The following HAO2 variants were observed in gnomAD, a reference collection of about 807,000 sequenced individuals.
HAO2 encodes 2-Hydroxyacid oxidase 2.
HAO2 carries 42 observed loss-of-function variants against 37.4 expected under a neutral mutation model. The ratio of observed to expected loss-of-function variants is 1.12; its 90% confidence interval spans 0.88 to 1.45. HAO2 has a LOEUF of 1.45. Ranked by LOEUF, HAO2 falls within the 40% of genes most tolerant of loss-of-function variation. The pLI is 0.00. For synonymous variants in HAO2, 180 were observed against 162.8 expected (o/e 1.11, Z -0.81); for missense variants, 476 against 430.2 (o/e 1.11, Z -0.94).
chr1:119,393,669 T>C (rs1651090794), intron 7 of HAO2, 116 bp from the exon 8 acceptor site: 2 of 835,600 alleles, frequency 2.4e-6, no homozygotes, highest in Non-Finnish European at 4.2e-6. Context: ...AACCATTTTA[T>C]AAGAGTGAGC....
chr1:119,383,226 C>T lies in HAO2; in HGVS notation c.283+160C>T, dbSNP rs1465028786. On this transcript the variant is annotated intron_variant, in intron 3 of 7. Transcript: ENST00000325945. The stretch of plus-strand genomic sequence containing the variant: ...AATGCTTAAAGCTACGTTTGTGTAA[C>T]CTAAGATTGAGAAAACATTCATTTT... Among the ~76,000 whole-genome samples the T allele has an allele frequency of 2.0e-5, 3 of 152,192 alleles. No homozygotes were observed. In the South Asian group the frequency reaches 6.2e-4, roughly 31 times the overall value.
intron 3 of HAO2, among the ~76,000 whole-genome samples, chr1:119,383,430 A>G (rs922485840): frequency 4.6e-5 from 7 of 152,222 alleles, no homozygotes; most frequent in African/African-American, 1.7e-4. Context: ...CTGATGGGCC[A>G]GGGCTAGGGC....
At chr1:119,381,957 T>A (rs1002791230) in intron 2 of HAO2, among the ~76,000 whole-genome samples, 2 of 152,238 alleles carry the variant, frequency 1.3e-5, no homozygotes, top group African/African-American at 4.8e-5. Context: ...GTTGAATAAC[T>A]GTGACAAAGA....
At chr1:119,371,237 A>G (rs1648975519) in intron 1 of HAO2, among the ~76,000 whole-genome samples, 1 of 152,184 alleles carries the variant, frequency 6.6e-6, no homozygotes, top group African/African-American at 2.4e-5. Flanking sequence ...TTTCTGTTGC[A>G]TTAGCTTGGA....
Position 119,382,972 on chromosome 1 carries a change from A to T in HAO2, c.189A>T (p.Thr63=), listed in dbSNP as rs746856522. 1.9e-6 allele frequency: 3 copies of T among 1,613,494 alleles called. No individual in the cohort carries two copies. The highest frequency in any genetic ancestry group is 2.5e-6 in the Non-Finnish European group (3 of 1,179,536). Residue 63 remains threonine (T), a synonymous_variant, in exon 3 of 8, where the codon ACA becomes ACT. Transcript: ENST00000325945. The part of the protein sequence containing the change: ...RDVSEVDTRT[T]IQGEEISAPI... ...TGTCTGAGGTGGACACCAGAACCAC[A>T]ATCCAAGGGGAGGAGATCAGTGCCC...
intron 5 of HAO2, among the ~76,000 whole-genome samples, chr1:119,388,079 T>C (rs72991409): frequency 0.039 from 5,979 of 152,232 alleles, 368 homozygotes; most frequent in African/African-American, 0.13. Context: ...GCTTTTCATC[T>C]CACCTATTGA....
In HAO2 at chr1:119,380,742, A is replaced by G. The variant is rs751684050; in HGVS notation, c.-8-336A>G. The G allele has an allele frequency of 2.0e-6, 3 of 1,518,006 alleles. No individual in the cohort carries two copies. In the Admixed American group the frequency reaches 5.0e-5, roughly 25 times the overall value. 94.0% of individuals were successfully genotyped at this position (1,518,006 alleles called of 1,614,324 possible). A position where few individuals can be genotyped will look rare whatever the true frequency, so the allele number is the denominator to read the frequency against. On this transcript the variant is annotated intron_variant, in intron 1 of 7. Coordinates refer to ENST00000325945, the MANE Select transcript of HAO2 (RefSeq NM_016527.4). ...TGTGAAGGCAAGATACAAAAATAAG[A>G]ATTTTTTGTAATAAGCTTTTAAGAA...
At chr1:119,390,560 A>G (rs1650800138) in intron 5 of HAO2, among the ~76,000 whole-genome samples, 1 of 152,190 alleles carries the variant, frequency 6.6e-6, no homozygotes, top group Admixed American at 6.5e-5. Flanking sequence ...GAATATTTTT[A>G]TGATGTTGTG....
Position 119,384,819 on chromosome 1 carries a change from C to T in HAO2, c.327C>T (p.Ala109=). The T allele has an allele frequency of 6.2e-7, 1 of 1,613,884 alleles. No individual in the cohort carries two copies. Among genetic ancestry groups the T allele is most frequent in the Non-Finnish European group, 8.5e-7 (1 of 1,179,830 alleles). ...AGICYITSTF[A]SCSLEDIVIA... Reference sequence around the variant, plus strand: ...TCTGCTACATCACCAGCACATTTGCCAGCTGTAGCCTTGAAGACATTGTCA... The same window carrying T: ...TCTGCTACATCACCAGCACATTTGCTAGCTGTAGCCTTGAAGACATTGTCA... The change falls in exon 4 of 8, where the codon GCC becomes GCT. Residue 109 remains alanine (A), a synonymous_variant. Transcript: ENST00000325945.
intron 1 of HAO2, among the ~76,000 whole-genome samples, chr1:119,371,312 T>A (rs1446833029): frequency 1.3e-5 from 2 of 152,210 alleles, no homozygotes; most frequent in African/African-American, 4.8e-5. Flanking sequence ...ACATACACTC[T>A]CTGATTGCCC....
chr1:119,373,724 A>T (rs1044797657), intron 1 of HAO2, among the ~76,000 whole-genome samples: 6 of 152,184 alleles, frequency 3.9e-5, no homozygotes, highest in Admixed American at 6.5e-5. Context: ...TGACTAAAGA[A>T]GCCACTCTGA....
At chr1:119,378,449 T>G (rs1649654893) in intron 1 of HAO2, among the ~76,000 whole-genome samples, 1 of 152,190 alleles carries the variant, frequency 6.6e-6, no homozygotes, top group Non-Finnish European at 1.5e-5. Flanking sequence ...AGTTATTTTA[T>G]TTCTGAGGCC....
In HAO2 at chr1:119,382,305, T is replaced by C. The variant is rs587640478; in HGVS notation, c.132-610T>C. Among the ~76,000 whole-genome samples, 3 of 152,348 alleles carry C rather than the reference T, an allele frequency of 2.0e-5. No individual in the cohort carries two copies. In the South Asian group the frequency reaches 6.2e-4, roughly 32 times the overall value. On this transcript the variant is annotated intron_variant, in intron 2 of 7. Transcript: ENST00000325945. Reference sequence around the variant, plus strand: ...AATATTGTATAAACAATGAAAATCTTAGACACCTGAGGCTAAGTATGCATT... The same window carrying C: ...AATATTGTATAAACAATGAAAATCTCAGACACCTGAGGCTAAGTATGCATT...
At chr1:119,370,945 G>C (rs1019300317) in intron 1 of HAO2, among the ~76,000 whole-genome samples, 1 of 152,214 alleles carries the variant, frequency 6.6e-6, no homozygotes, top group Non-Finnish European at 1.5e-5. Context: ...GGACAGAGTA[G>C]ACGTCAGAGC....
At chr1:119,382,824 G>A in intron 2 of HAO2, 91 bp from the exon 3 acceptor site, 1 of 1,217,444 alleles carries the variant, frequency 8.2e-7, no homozygotes, top group Non-Finnish European at 1.2e-6. Flanking sequence ...GTTTAGACTT[G>A]TATCAGGAAT....
chr1:119,373,283 A>G (rs767199978), intron 1 of HAO2, among the ~76,000 whole-genome samples: 1 of 151,936 alleles, frequency 6.6e-6, no homozygotes, highest in Non-Finnish European at 1.5e-5. Context: ...TTGAGTCTCT[A>G]GAAATCTTGG....
intron 7 of HAO2, among the ~76,000 whole-genome samples, chr1:119,393,211 TC>T (rs1385876091): frequency 6.6e-6 from 1 of 151,994 alleles, no homozygotes; most frequent in African/African-American, 2.4e-5. Context: ...AGCCCACAAC[TC>T]CCCAGCCCCA....
At chr1:119,387,891 C>T (rs1056321987) in intron 5 of HAO2, among the ~76,000 whole-genome samples, 2 of 152,150 alleles carry the variant, frequency 1.3e-5, no homozygotes, top group Non-Finnish European at 2.9e-5. Context: ...TTTGCACTAG[C>T]TGGTTGGTAC....
At chr1:119,379,589 G>A (rs1649752894) in intron 1 of HAO2, among the ~76,000 whole-genome samples, 1 of 152,158 alleles carries the variant, frequency 6.6e-6, no homozygotes, top group African/African-American at 2.4e-5. Flanking sequence ...AGCTAAATTA[G>A]ATATGGTTGT....
Sources: gnomAD v4.1 joint callset for allele counts (sites outside exome capture counted in the v4.1 genomes callset) on GRCh38, gnomAD v4.1.1 for gene constraint, MANE v1.5 for transcripts, NCBI Gene and HGNC (gene_info 2026-07-23, HGNC 2026-07-21) for gene names.